Variants in LSAMP observed in about 807,000 individuals in gnomAD.
LSAMP encodes limbic system-associated membrane protein.
LSAMP carries 7 observed loss-of-function variants against 38.6 expected under a neutral mutation model. The observed-to-expected ratio is 0.18, with a 90% confidence interval of 0.10 to 0.34. The LOEUF is 0.34. Among genes scored for constraint, LSAMP ranks in the 10% least tolerant of loss-of-function variants. LSAMP has a pLI of 1.00. For missense variants in LSAMP, 313 were observed against 420.0 expected (o/e 0.75, Z 2.23); for synonymous variants, 154 against 166.8 (o/e 0.92, Z 0.59).
At chr3:115,822,772 A>G (rs1439597594) in intron 6 of LSAMP, among the ~76,000 whole-genome samples, 1 of 152,216 alleles carries the variant, frequency 6.6e-6, no homozygotes, top group Non-Finnish European at 1.5e-5. Context: ...TGAGAAAGGA[A>G]GTTGGCCTCC....
rs373744063 is a variant in LSAMP, at chr3:116,077,490, T to C, written c.388+8834A>G. Among the ~76,000 whole-genome samples, 9 of 152,264 alleles carry C rather than the reference T, an allele frequency of 5.9e-5. No individual in the cohort carries two copies. The East Asian group carries it at 1.7e-3, about 29-fold the overall frequency. ...TATTCATACATTTCTTTATAATGGA[T>C]TATGCTTGAAAAAACCTGCTTAATT... is the stretch of plus-strand genomic sequence containing the variant. On this transcript the variant is annotated intron_variant, in intron 2 of 6. Transcript: ENST00000490035.
At chr3:116,153,615 C>T (rs536311901) in intron 1 of LSAMP, among the ~76,000 whole-genome samples, 10 of 152,068 alleles carry the variant, frequency 6.6e-5, no homozygotes, top group Admixed American at 5.9e-4. Context: ...TCAATTAGAT[C>T]GTCTCTCACT....
chr3:116,336,540 C>T (rs1247829154), intron 1 of LSAMP, among the ~76,000 whole-genome samples: 1 of 151,922 alleles, frequency 6.6e-6, no homozygotes. Flanking sequence ...CAAATAAAAA[C>T]TACAATGAGA....
Position 116,445,087 on chromosome 3 carries a change from C to A in LSAMP, c.-56G>T. On this transcript the variant is annotated 5_prime_UTR_variant, in exon 1 of 7. Coordinates refer to ENST00000490035, the MANE Select transcript of LSAMP (RefSeq NM_002338.5). ...GTGCTCTGGAGGGGTGCGCGCTGCT[C>A]GCGAGGAGAGGCTTCACCAACACGG... The A allele has an allele frequency of 3.2e-6, 5 of 1,549,158 alleles. No homozygotes were observed. The highest frequency in any genetic ancestry group is 4.4e-6 in the Non-Finnish European group (5 of 1,142,278).
At chr3:115,874,954 C>T (rs1307124199) in intron 3 of LSAMP, among the ~76,000 whole-genome samples, 1 of 151,906 alleles carries the variant, frequency 6.6e-6, no homozygotes, top group Non-Finnish European at 1.5e-5. Context: ...TAAACAGACA[C>T]ATTTAATAAA....
intron 6 of LSAMP, among the ~76,000 whole-genome samples, chr3:115,837,571 G>C (rs1375150169): frequency 6.6e-6 from 1 of 152,148 alleles, no homozygotes; most frequent in African/African-American, 2.4e-5. Flanking sequence ...TAATGAAAAT[G>C]GAAGTGGGAG....
In LSAMP at chr3:116,075,116, G is replaced by C. The variant is rs958365139; in HGVS notation, c.388+11208C>G. Among the ~76,000 whole-genome samples the C allele has an allele frequency of 2.0e-5, 3 of 147,008 alleles. No homozygotes were observed. The Admixed American group carries it at 2.1e-4, about 10-fold the overall frequency. ...GCCTCTCAAAGTGCTGGGATTACAG[G>C]TATGAGTCACTGCACCCAGCCATTT... On this transcript the variant is annotated intron_variant, in intron 2 of 6. Transcript: ENST00000490035.
intron 1 of LSAMP, among the ~76,000 whole-genome samples, chr3:116,225,470 A>G (rs1229971855): frequency 2.6e-5 from 4 of 152,140 alleles, no homozygotes; most frequent in Admixed American, 6.5e-5. Flanking sequence ...GTTTTAAACC[A>G]CCCAGTATGT....
At chr3:115,815,474 C>G (rs1328976853) in intron 6 of LSAMP, among the ~76,000 whole-genome samples, 2 of 152,176 alleles carry the variant, frequency 1.3e-5, no homozygotes, top group African/African-American at 2.4e-5. Context: ...TTTCTCTACT[C>G]TCTATAAAGC....
intron 4 of LSAMP, among the ~76,000 whole-genome samples, chr3:115,844,489 TAATGC>T (rs1425750844): frequency 6.6e-6 from 1 of 152,162 alleles, no homozygotes; most frequent in African/African-American, 2.4e-5. Context: ...GTTCAAAGGA[TAATGC>T]AATAGTTGGT....
intron 3 of LSAMP, among the ~76,000 whole-genome samples, chr3:115,899,102 T>C (rs1936804981): frequency 6.6e-6 from 1 of 152,138 alleles, no homozygotes; most frequent in African/African-American, 2.4e-5. Context: ...CATTTTAATA[T>C]GTTAAACACA....
At chr3:116,356,536 A>G (rs2048225646) in intron 1 of LSAMP, among the ~76,000 whole-genome samples, 1 of 152,218 alleles carries the variant, frequency 6.6e-6, no homozygotes, top group Non-Finnish European at 1.5e-5. Context: ...ACAACAGGGT[A>G]ACTAGTTAGC....
chr3:116,298,314 C>T (rs1261997044), intron 1 of LSAMP, among the ~76,000 whole-genome samples: 1 of 152,140 alleles, frequency 6.6e-6, no homozygotes, highest in Non-Finnish European at 1.5e-5. Flanking sequence ...TAGTTTTCTG[C>T]CCAAAATCAT....
At chr3:116,328,671 C>T (rs947827496) in intron 1 of LSAMP, among the ~76,000 whole-genome samples, 1 of 152,104 alleles carries the variant, frequency 6.6e-6, no homozygotes, top group African/African-American at 2.4e-5. Context: ...ATCATCATTA[C>T]TGCCTTGTCA....
intron 1 of LSAMP, among the ~76,000 whole-genome samples, chr3:116,359,237 A>T (rs1398494610): frequency 6.6e-6 from 1 of 152,256 alleles, no homozygotes; most frequent in African/African-American, 2.4e-5. Context: ...CCATCAATCA[A>T]TAAGGAAATA....
At chr3:115,903,935 T>C (rs1301273673) in intron 3 of LSAMP, among the ~76,000 whole-genome samples, 1 of 152,202 alleles carries the variant, frequency 6.6e-6, no homozygotes, top group Non-Finnish European at 1.5e-5. Flanking sequence ...TTTGAAAAAC[T>C]GTCTTGGGTT....
intron 1 of LSAMP, among the ~76,000 whole-genome samples, chr3:116,212,829 C>T (rs893379918): frequency 1.3e-5 from 2 of 152,078 alleles, no homozygotes; most frequent in African/African-American, 4.8e-5. Flanking sequence ...GAGAAGAATG[C>T]TACAAGGGGG....
At chr3:116,314,770 T>C (rs2047606043) in intron 1 of LSAMP, among the ~76,000 whole-genome samples, 1 of 152,200 alleles carries the variant, frequency 6.6e-6, no homozygotes, top group African/African-American at 2.4e-5. Flanking sequence ...TCAACATCTA[T>C]ATAAAACTGA....
chr3:116,277,342 T>C (rs992373103), intron 1 of LSAMP, among the ~76,000 whole-genome samples: 1 of 151,988 alleles, frequency 6.6e-6, no homozygotes, highest in African/African-American at 2.4e-5. Context: ...TTCAACATTC[T>C]TTGAATATAA....
Sources: gnomAD v4.1 joint callset for allele counts (sites outside exome capture counted in the v4.1 genomes callset) on GRCh38, gnomAD v4.1.1 for gene constraint, MANE v1.5 for transcripts, NCBI Gene and HGNC (gene_info 2026-07-23, HGNC 2026-07-21) for gene names.